The following THRAP3 variants were observed in gnomAD, a reference collection of about 807,000 sequenced individuals.
THRAP3 encodes thyroid hormone receptor associated protein 3, also known as thyroid hormone receptor-associated protein 3.
In THRAP3, 16 loss-of-function variants were observed where a neutral mutation model predicts 101.0. The observed-to-expected ratio is 0.16, with a 90% CI of 0.11 to 0.24. The LOEUF (loss-of-function observed/expected upper bound fraction) is 0.24. Ranked by LOEUF, THRAP3 falls within the 10% of genes least tolerant of loss-of-function variation. The pLI, the probability that THRAP3 is intolerant of heterozygous loss-of-function variation, is 1.00. For missense variants in THRAP3, 989 were observed against 1,202.7 expected (o/e 0.82, Z 2.63); for synonymous variants, 407 against 422.6 (o/e 0.96, Z 0.45).
intron 1 of THRAP3, among the ~76,000 whole-genome samples, chr1:36,258,606 G>A (rs1645405342): frequency 6.6e-6 from 1 of 152,136 alleles, no homozygotes; most frequent in African/African-American, 2.4e-5. Context: ...CTCCTGAGTA[G>A]CTGAGACTAC....
chr1:36,231,603 T>G (rs984384857), intron 1 of THRAP3, among the ~76,000 whole-genome samples: 17 of 152,182 alleles, frequency 1.1e-4, no homozygotes, highest in South Asian at 6.2e-4. Flanking sequence ...ATGTGATTTT[T>G]TTGTGTGTAT....
At chr1:36,216,146 A>G in the THRAP3 span, among the ~76,000 whole-genome samples, 4 of 152,168 alleles carry the variant, frequency 2.6e-5, no homozygotes, top group Non-Finnish European at 5.9e-5. Context: ...TGGAAGGCCT[A>G]AGCAGGAGGA....
intron 1 of THRAP3, among the ~76,000 whole-genome samples, chr1:36,253,199 T>C (rs1369938478): frequency 6.6e-6 from 1 of 151,998 alleles, no homozygotes; most frequent in African/African-American, 2.4e-5. Flanking sequence ...TCATTGAGCA[T>C]GTGATTTTAA....
the THRAP3 span, among the ~76,000 whole-genome samples, chr1:36,218,191 C>T: frequency 1.3e-5 from 2 of 150,632 alleles, no homozygotes; most frequent in Non-Finnish European, 3.0e-5. Context: ...ATGGTGAAAC[C>T]CTGTCTCTGC....
At chr1:36,241,192 C>CA (rs35954224) in intron 1 of THRAP3, among the ~76,000 whole-genome samples, 111,461 of 123,200 alleles carry the variant, frequency 0.9, 50,586 homozygotes, top group Non-Finnish European at 0.96. Flanking sequence ...GACTCCGTTT[C>CA]AAAAAAAAAA....
At chr1:36,261,425 C>T (rs1257422474) in intron 2 of THRAP3, among the ~76,000 whole-genome samples, 1 of 152,060 alleles carries the variant, frequency 6.6e-6, no homozygotes, top group Non-Finnish European at 1.5e-5. Flanking sequence ...CCCAGCTACT[C>T]GGGAGACTGA....
At chr1:36,262,297 G>C (rs16822639) in intron 2 of THRAP3, among the ~76,000 whole-genome samples, 2 of 152,144 alleles carry the variant, frequency 1.3e-5, no homozygotes, top group Non-Finnish European at 2.9e-5. Flanking sequence ...ATATGTATTG[G>C]ATGGTACAGT....
intron 4 of THRAP3, chr1:36,287,513 T>C: frequency 1.0e-6 from 1 of 985,460 alleles, no homozygotes; most frequent in Non-Finnish European, 1.2e-6. Flanking sequence ...AATGATGTTT[T>C]CACATTTAAA....
At chr1:36,231,199 T>TA (rs200254604) in intron 1 of THRAP3, among the ~76,000 whole-genome samples, 1,575 of 147,280 alleles carry the variant, frequency 0.011, 28 homozygotes, top group African/African-American at 0.035. Context: ...TGTTTCTTCT[T>TA]AAAAAAAAAA....
At chr1:36,266,641 C>A (rs554269143) in intron 2 of THRAP3, among the ~76,000 whole-genome samples, 8 of 152,256 alleles carry the variant, frequency 5.3e-5, no homozygotes, top group African/African-American at 1.9e-4. Flanking sequence ...GTGTCCCTCA[C>A]CCCAGTAGGA....
the THRAP3 span, among the ~76,000 whole-genome samples, chr1:36,216,897 C>T: frequency 6.6e-6 from 1 of 152,218 alleles, no homozygotes. Context: ...TCTGTGCTAT[C>T]ATAGCATATA....
intron 7 of THRAP3, among the ~76,000 whole-genome samples, chr1:36,293,212 A>G (rs1645900724): frequency 6.6e-6 from 1 of 151,750 alleles, no homozygotes; most frequent in African/African-American, 2.4e-5. Context: ...TATTTTTAGT[A>G]GAGACAGGGT....
Position 36,300,911 on chromosome 1 carries a change from T to G in THRAP3, c.2329T>G (p.Ser777Ala). The G allele has an allele frequency of 6.2e-7, 1 of 1,613,526 alleles. No individual in the cohort carries two copies. Among genetic ancestry groups the G allele is most frequent in the Non-Finnish European group, 8.5e-7 (1 of 1,179,910 alleles). Residue 777 changes from serine to alanine, a missense_variant, in exon 10 of 12, where the codon TCC becomes GCC. By Grantham distance (99) the Ser-to-Ala change is moderately conservative. Coordinates refer to ENST00000354618, the MANE Select transcript of THRAP3 (RefSeq NM_005119.4). The stretch of plus-strand genomic sequence containing the variant: ...GAAGCATCGGAGAGCAAGAGACAGG[T>G]CCAGATCCTCCTCCTCTTCCTCCCA... ...QKKHRRARDR[S>A]RSSSSSSQSS...
intron 2 of THRAP3, among the ~76,000 whole-genome samples, chr1:36,262,708 T>A (rs1645461333): frequency 6.6e-6 from 1 of 152,162 alleles, no homozygotes; most frequent in Non-Finnish European, 1.5e-5. Context: ...TTTAAAGTTC[T>A]GTAGGTGATT....
At chr1:36,298,957 G>C (rs1458093759) in intron 9 of THRAP3, among the ~76,000 whole-genome samples, 1 of 152,092 alleles carries the variant, frequency 6.6e-6, no homozygotes, top group Non-Finnish European at 1.5e-5. Context: ...ATCATGCCTG[G>C]CTAATTTTGT....
intron 2 of THRAP3, among the ~76,000 whole-genome samples, chr1:36,271,010 T>A (rs1022736318): frequency 2.6e-5 from 4 of 152,116 alleles, no homozygotes; most frequent in Admixed American, 2.6e-4. Flanking sequence ...CCTAAAAAAA[T>A]TAAAGTAAGA....
At chr1:36,248,140 A>G (rs1645253990) in intron 1 of THRAP3, among the ~76,000 whole-genome samples, 1 of 152,072 alleles carries the variant, frequency 6.6e-6, no homozygotes, top group African/African-American at 2.4e-5. Context: ...TTGGCCTACC[A>G]AAGTGCTGGG....
Position 36,289,777 on chromosome 1 carries a change from C to A in THRAP3, c.1745+13C>A. Reference sequence around the variant, plus strand: ...AGGACCTCGCACGGTGAGATATGCTCCTTCTTGATCCTCAGTGCTTTAGTG... The same window carrying A: ...AGGACCTCGCACGGTGAGATATGCTACTTCTTGATCCTCAGTGCTTTAGTG... On this transcript the variant is annotated intron_variant, in intron 5 of 11. Coordinates refer to ENST00000354618, the MANE Select transcript of THRAP3 (RefSeq NM_005119.4). 1 of 1,579,170 alleles carries A rather than the reference C, an allele frequency of 6.3e-7. No individual in the cohort carries two copies. The highest frequency in any genetic ancestry group is 8.6e-7 in the Non-Finnish European group (1 of 1,164,226).
At chr1:36,224,566 T>G (rs1280942845) in intron 1 of THRAP3, 61 bp downstream of exon 1, 1 of 152,600 alleles carries the variant, frequency 6.6e-6, no homozygotes, top group Non-Finnish European at 1.5e-5. Context: ...GTTTCGTCTC[T>G]TATCTTTTTT....
Sources: allele counts gnomAD v4.1 joint callset (sites outside exome capture counted in the v4.1 genomes callset), GRCh38; gene constraint gnomAD v4.1.1; transcripts MANE v1.5; gene names NCBI Gene and HGNC (gene_info 2026-07-23, HGNC 2026-07-21).